The following DIP2C variants were observed in gnomAD, a reference collection of about 807,000 sequenced individuals.
DIP2C encodes disco-interacting protein 2 homolog C.
A neutral mutation model predicts 192.4 loss-of-function variants in DIP2C; 33 were observed. That is an observed-to-expected ratio of 0.17 (90% confidence interval 0.13 to 0.23). The LOEUF (loss-of-function observed/expected upper bound fraction) is 0.23. DIP2C is among the 10% of genes least tolerant of loss of function. The probability of loss-of-function intolerance (pLI) is 1.00; values close to 1 mark genes in which losing one functional copy is unlikely to be tolerated. For synonymous variants in DIP2C, 979 were observed against 864.1 expected (o/e 1.13, Z -2.33); for missense variants, 1,537 against 2,110.1 (o/e 0.73, Z 5.32).
chr10:591,095 T>C (rs1851376518), intron 1 of DIP2C, among the ~76,000 whole-genome samples: 1 of 131,678 alleles, frequency 7.6e-6, no homozygotes, highest in African/African-American at 4.1e-5. Context: ...CCATCACAGA[T>C]AACAGTCAGG....
intron 29 of DIP2C, among the ~76,000 whole-genome samples, chr10:330,812 A>T (rs1025402916): frequency 6.0e-5 from 8 of 133,390 alleles, no homozygotes; most frequent in African/African-American, 1.7e-4. Context: ...AACCTACACA[A>T]TTTTTTTTTT....
At chr10:559,367 G>T (rs1849077082) in intron 1 of DIP2C, among the ~76,000 whole-genome samples, 2 of 149,994 alleles carry the variant, frequency 1.3e-5, no homozygotes, top group African/African-American at 5.0e-5. Flanking sequence ...CACAAGCTCG[G>T]TGTGTCCTAC....
chr10:416,541 C>A (rs1965647100), intron 6 of DIP2C, among the ~76,000 whole-genome samples: 1 of 152,146 alleles, frequency 6.6e-6, no homozygotes, highest in African/African-American at 2.4e-5. Flanking sequence ...AAGTTAAAGT[C>A]TCTAAATTCA....
intron 36 of DIP2C, among the ~76,000 whole-genome samples, chr10:279,156 G>C (rs933219947): frequency 6.6e-6 from 1 of 152,184 alleles, no homozygotes; most frequent in African/African-American, 2.4e-5. Flanking sequence ...GCATGCCTAT[G>C]GAGCATGCTA....
At chr10:571,019 C>T (rs866451509) in intron 1 of DIP2C, among the ~76,000 whole-genome samples, 5 of 152,184 alleles carry the variant, frequency 3.3e-5, no homozygotes, top group African/African-American at 7.2e-5. Context: ...CCCTGGGCTG[C>T]GGCTTCCACG....
chr10:586,863 CACA>C (rs1228829995), intron 1 of DIP2C, among the ~76,000 whole-genome samples: 2 of 152,114 alleles, frequency 1.3e-5, no homozygotes, highest in East Asian at 1.9e-4. Flanking sequence ...GGGAAAACCC[CACA>C]ACAAGGTGGG....
intron 1 of DIP2C, among the ~76,000 whole-genome samples, chr10:639,134 AT>A (rs1854998863): frequency 1.3e-5 from 2 of 150,226 alleles, no homozygotes; most frequent in African/African-American, 4.9e-5. Flanking sequence ...CAGTCCACAC[AT>A]GGGGACGCGT....
Position 422,996 on chromosome 10 carries a change from C to T in DIP2C, c.432G>A (p.Gln144=). The T allele has an allele frequency of 1.2e-6, 2 of 1,613,412 alleles. No individual in the cohort carries two copies. The highest frequency in any genetic ancestry group is 1.7e-6 in the Non-Finnish European group (2 of 1,179,530). The change falls in exon 5 of 37, where the codon CAG becomes CAA. Residue 144 remains glutamine, a synonymous_variant. Transcript: ENST00000280886. Reference sequence around the variant, plus strand: ...AGGTGGGGGTGCCCTGGGAGTCCCCCTGCACTGAGCCTTCATCTTCTGAGC... The same window carrying T: ...AGGTGGGGGTGCCCTGGGAGTCCCCTTGCACTGAGCCTTCATCTTCTGAGC... The part of the protein sequence containing the change: ...SSGSEDEGSV[Q]GDSQGTPTSS...
At chr10:677,738 A>G (rs1037368758) in intron 1 of DIP2C, among the ~76,000 whole-genome samples, 1 of 152,216 alleles carries the variant, frequency 6.6e-6, no homozygotes, top group African/African-American at 2.4e-5. Flanking sequence ...ATATTCACAC[A>G]ACTCGGAACA....
chr10:517,350 G>A (rs1162734052), intron 1 of DIP2C, among the ~76,000 whole-genome samples: 2 of 152,174 alleles, frequency 1.3e-5, no homozygotes, highest in Non-Finnish European at 2.9e-5. Flanking sequence ...GACATTAGGT[G>A]AAGGAACAAG....
chr10:497,703 G>A (rs961682172), intron 1 of DIP2C, among the ~76,000 whole-genome samples: 5 of 152,178 alleles, frequency 3.3e-5, no homozygotes, highest in South Asian at 2.1e-4. Flanking sequence ...GCAGAGAAGC[G>A]TCCGGTAATG....
intron 1 of DIP2C, among the ~76,000 whole-genome samples, chr10:585,723 G>A (rs561392849): frequency 2.6e-5 from 4 of 152,128 alleles, no homozygotes; most frequent in East Asian, 1.9e-4. Flanking sequence ...CACAAACGCC[G>A]CTGCAAGGTA....
chr10:552,524 C>G (rs1848641963), intron 1 of DIP2C, among the ~76,000 whole-genome samples: 1 of 152,224 alleles, frequency 6.6e-6, no homozygotes, highest in Admixed American at 6.5e-5. Flanking sequence ...TCTGTTCAGT[C>G]TATTTCATTC....
At chr10:381,630 G>A (rs1386276862) in intron 17 of DIP2C, among the ~76,000 whole-genome samples, 2 of 152,224 alleles carry the variant, frequency 1.3e-5, no homozygotes, top group African/African-American at 4.8e-5. Flanking sequence ...GCAAGACAGT[G>A]GGAGGGAGAC....
At chr10:416,036 T>C in intron 6 of DIP2C, 148 bp from the exon 7 acceptor site, 1 of 1,210,698 alleles carries the variant, frequency 8.3e-7, no homozygotes. Flanking sequence ...GAGGTGATCA[T>C]GCTGTACGGT....
intron 1 of DIP2C, among the ~76,000 whole-genome samples, chr10:503,165 C>T (rs955974044): frequency 1.0e-4 from 15 of 149,406 alleles, no homozygotes; most frequent in Middle Eastern, 3.7e-3. Flanking sequence ...ACATAAATTC[C>T]GCCAGGATGC....
At chr10:295,343 C>T (rs1262537109) in intron 32 of DIP2C, among the ~76,000 whole-genome samples, 5 of 151,842 alleles carry the variant, frequency 3.3e-5, no homozygotes, top group Non-Finnish European at 7.4e-5. Context: ...GGGTGGATCA[C>T]GAGGTCAGGA....
rs1170233460 is a variant in DIP2C, at chr10:395,489, G to A, written c.1260+3620C>T. On this transcript the variant is annotated intron_variant, in intron 10 of 36. Transcript: ENST00000280886. Reference sequence around the variant, plus strand: ...CGGTGTCTTTAGACCTGAGAGGCTCGGCCTCAGGGGAGGGTCTCTGTACTT... The same window carrying A: ...CGGTGTCTTTAGACCTGAGAGGCTCAGCCTCAGGGGAGGGTCTCTGTACTT... Among the ~76,000 whole-genome samples, 4 of 152,220 alleles carry A rather than the reference G, an allele frequency of 2.6e-5. No homozygotes were observed. In the East Asian group the frequency reaches 7.7e-4, roughly 29 times the overall value.
At chr10:509,597 T>A (rs1845873771) in intron 1 of DIP2C, among the ~76,000 whole-genome samples, 1 of 152,174 alleles carries the variant, frequency 6.6e-6, no homozygotes, top group African/African-American at 2.4e-5. Context: ...AGGTGTGACC[T>A]CACTCTGCGC....
Sources: gnomAD v4.1 joint callset for allele counts (sites outside exome capture counted in the v4.1 genomes callset) on GRCh38, gnomAD v4.1.1 for gene constraint, MANE v1.5 for transcripts, NCBI Gene and HGNC (gene_info 2026-07-23, HGNC 2026-07-21) for gene names.